FN3KRP: variants seen among roughly 807,000 people sequenced by gnomAD.
The protein encoded by FN3KRP is fructosamine 3 kinase related protein.
Under a neutral mutation model 29.8 loss-of-function variants are expected in FN3KRP, and 33 were observed. That is an observed-to-expected ratio of 1.11 (90% CI 0.84 to 1.48). FN3KRP has a LOEUF of 1.48. Among genes scored for constraint, FN3KRP ranks in the 40% most tolerant of loss-of-function variants. FN3KRP has a pLI of 0.00. For missense variants in FN3KRP, 430 were observed against 402.6 expected (o/e 1.07, Z -0.58); for synonymous variants, 157 against 155.2 (o/e 1.01, Z -0.09).
chr17:82,727,521 C>T lies in FN3KRP; in HGVS notation c.*350C>T, dbSNP rs572258264. ...TGCGCAGGGAGGTGGCCAGCGCCCCCGGGCACTGCTGCTCATAGGTACCTT... is the reference window on the plus strand; with the variant it reads ...TGCGCAGGGAGGTGGCCAGCGCCCCTGGGCACTGCTGCTCATAGGTACCTT... On this transcript the variant is annotated 3_prime_UTR_variant, in exon 6 of 6. Transcript: ENST00000269373. 179 of 213,278 alleles carry T rather than the reference C, an allele frequency of 8.4e-4. No individual in the cohort carries two copies. The highest frequency in any genetic ancestry group is 3.4e-3 in the African/African-American group (148 of 43,936). 13.2% of individuals were successfully genotyped at this position (213,278 alleles called of 1,614,324 possible).
intron 2 of FN3KRP, among the ~76,000 whole-genome samples, chr17:82,719,857 T>C (rs1231010998): frequency 3.3e-5 from 5 of 152,038 alleles, no homozygotes; most frequent in South Asian, 4.1e-4. Flanking sequence ...GAACCTACTT[T>C]CTGTCCTCAA....
rs776584529 is a variant in FN3KRP, at chr17:82,720,360, G to T, written c.382G>T (p.Val128Leu). 6.2e-7 allele frequency: 1 copy of T among 1,612,990 alleles called. No individual in the cohort carries two copies. Among genetic ancestry groups the T allele is most frequent in the Admixed American group, 1.7e-5 (1 of 60,014 alleles). ...GATGCGCCTGAAGGAGGCGGGCACA[G>T]TGGGTATGGCACTGCGCGGGCCACG... ...GEMRLKEAGTVGRGGGQEERP... is the reference protein window; with the variant it reads ...GEMRLKEAGTLGRGGGQEERP... The change falls in exon 3 of 6, where the codon GTG becomes TTG. Residue 128 changes from valine (V) to leucine (L), a missense_variant. Val to Leu is a conservative substitution (Grantham distance 32, BLOSUM62 1). Coordinates refer to ENST00000269373, the MANE Select transcript of FN3KRP (RefSeq NM_024619.4).
In FN3KRP at chr17:82,719,146, C is replaced by T. The variant is rs1022231510; in HGVS notation, c.293+89C>T. ...TTTTATTATGTGTGTCTTCACACCA[C>T]CCACTGGCTGGCTTTATTATCTGAG... On this transcript the variant is annotated intron_variant, in intron 2 of 5. Transcript: ENST00000269373. The T allele has an allele frequency of 5.5e-4, 682 of 1,245,082 alleles. 1 individual carries two copies. Among genetic ancestry groups the T allele is most frequent in the Non-Finnish European group, 7.7e-4 (677 of 875,964 alleles). The allele number at this position is 1,245,082 out of a possible 1,614,324, so 77.1% of individuals were successfully genotyped here.
intron 1 of FN3KRP, among the ~76,000 whole-genome samples, chr17:82,717,672 T>A (rs985594209): frequency 6.6e-6 from 1 of 151,988 alleles, no homozygotes; most frequent in Non-Finnish European, 1.5e-5. Flanking sequence ...TGAGTCGAGA[T>A]CGCGCCACTG....
At position 82,727,168 on chromosome 17, in the gene FN3KRP, G is replaced by A; in HGVS notation, c.927G>A (p.Lys309=). Reference sequence around the variant, plus strand: ...TGAACATCATGAGGAATCTGGTCAAGTGAGCGGGCCTTACTCTGGAAGGAG... The same window carrying A: ...TGAACATCATGAGGAATCTGGTCAAATGAGCGGGCCTTACTCTGGAAGGAG... The part of the protein sequence containing the change: ...SSLNIMRNLV[K] Residue 309 remains lysine, a synonymous_variant, in exon 6 of 6, where the codon AAG becomes AAA. Coordinates refer to ENST00000269373, the MANE Select transcript of FN3KRP (RefSeq NM_024619.4). 2 of 1,613,042 alleles carry A rather than the reference G, an allele frequency of 1.2e-6. No homozygotes were observed. The highest frequency in any genetic ancestry group is 1.7e-6 in the Non-Finnish European group (2 of 1,179,144).
At chr17:82,719,737 A>G (rs1264318464) in intron 2 of FN3KRP, among the ~76,000 whole-genome samples, 3 of 152,074 alleles carry the variant, frequency 2.0e-5, no homozygotes, top group African/African-American at 7.2e-5. Context: ...CCTGGGCAGT[A>G]GAGCGAGACT....
rs200818001 is a variant in FN3KRP, at chr17:82,726,522, C to T, written c.511C>T (p.Gln171Ter). The T allele has an allele frequency of 1.1e-4, 171 of 1,614,166 alleles. No individual in the cohort carries two copies. Among genetic ancestry groups the T allele is most frequent in the Non-Finnish European group, 1.4e-4 (162 of 1,180,018 alleles). The change falls in exon 5 of 6, where the codon CAG becomes TAG. Residue 171 changes from glutamine (Q) to a stop codon, truncating the protein, a stop_gained. Coordinates refer to ENST00000269373, the MANE Select transcript of FN3KRP (RefSeq NM_024619.4). LOFTEE classifies it high-confidence loss of function. The part of the protein sequence containing the change: ...QEDWVVFYAR[Q>*]RIQPQMDMVE... ...GGACTGGGTCGTGTTCTATGCCCGG[C>T]AGCGCATTCAGCCCCAGATGGACAT...
intron 3 of FN3KRP, chr17:82,720,730 G>C (rs1328363300): frequency 5.9e-6 from 1 of 168,094 alleles, no homozygotes; most frequent in Non-Finnish European, 1.2e-5. Flanking sequence ...TTGAGGCTCA[G>C]AATTACAGCC....
intron 1 of FN3KRP, among the ~76,000 whole-genome samples, chr17:82,717,568 A>T (rs2046766612): frequency 6.6e-6 from 1 of 151,878 alleles, no homozygotes; most frequent in African/African-American, 2.4e-5. Flanking sequence ...AAAATACAAA[A>T]ATTAGCTGGG....
intron 4 of FN3KRP, among the ~76,000 whole-genome samples, chr17:82,724,430 C>T (rs2046822722): frequency 6.6e-6 from 1 of 151,998 alleles, no homozygotes; most frequent in Non-Finnish European, 1.5e-5. Flanking sequence ...ATGGTGAAAT[C>T]CTGTCTCTAC....
chr17:82,727,158 A>G lies in FN3KRP; in HGVS notation c.917A>G (p.Asn306Ser), dbSNP rs768707772. The part of the protein sequence containing the change: ...YRGSSLNIMR[N>S]LVK The stretch of plus-strand genomic sequence containing the variant: ...GGATCCTCCCTGAACATCATGAGGA[A>G]TCTGGTCAAGTGAGCGGGCCTTACT... The change falls in exon 6 of 6, where the codon AAT becomes AGT. Residue 306 changes from asparagine (N) to serine (S), a missense_variant. Coordinates refer to ENST00000269373, the MANE Select transcript of FN3KRP (RefSeq NM_024619.4). The G allele has an allele frequency of 1.9e-6, 3 of 1,613,524 alleles. No homozygotes were observed. Among genetic ancestry groups the G allele is most frequent in the Non-Finnish European group, 2.5e-6 (3 of 1,179,642 alleles).
chr17:82,716,751 G>A lies in FN3KRP; in HGVS notation c.-5G>A, dbSNP rs748116589. ...CCGGGGCGGGTCCGCGGCCGCGGCG[G>A]GAACATGGAGGAGCTCCTGAGGCGC... On this transcript the variant is annotated 5_prime_UTR_variant, in exon 1 of 6. Coordinates refer to ENST00000269373, the MANE Select transcript of FN3KRP (RefSeq NM_024619.4). 1.3e-6 allele frequency: 2 copies of A among 1,492,736 alleles called. No homozygotes were observed. Among genetic ancestry groups the A allele is most frequent in the Admixed American group, 2.8e-5 (1 of 35,632 alleles). 92.5% of individuals were successfully genotyped at this position (1,492,736 alleles called of 1,614,324 possible). A position where few individuals can be genotyped will look rare whatever the true frequency, so the allele number is the denominator to read the frequency against.
chr17:82,725,242 C>T (rs1157527592), intron 4 of FN3KRP, among the ~76,000 whole-genome samples: 4 of 152,136 alleles, frequency 2.6e-5, no homozygotes, highest in Non-Finnish European at 5.9e-5. Flanking sequence ...CATCCTCCTG[C>T]CCCAGCCTCC....
chr17:82,720,407 A>T (rs780949550), intron 3 of FN3KRP, 44 bp downstream of exon 3: 4 of 1,523,492 alleles, frequency 2.6e-6, no homozygotes. Context: ...CTAGAGGAGG[A>T]CGTTCAGCCG....
At chr17:82,726,625 C>G (rs1179106586) in intron 5 of FN3KRP, 23 bp downstream of exon 5, 9 of 1,599,170 alleles carry the variant, frequency 5.6e-6, no homozygotes, top group Non-Finnish European at 6.8e-6. Flanking sequence ...CCACTGCATG[C>G]CCAGCACCTG....
intron 3 of FN3KRP, among the ~76,000 whole-genome samples, chr17:82,722,280 G>T (rs1005782711): frequency 1.3e-5 from 2 of 152,060 alleles, no homozygotes; most frequent in African/African-American, 2.4e-5. Flanking sequence ...GATTATAGGC[G>T]CCTGCCACCA....
At chr17:82,720,458 G>T in intron 3 of FN3KRP, 95 bp downstream of exon 3, 1 of 928,326 alleles carries the variant, frequency 1.1e-6, no homozygotes, top group Non-Finnish European at 1.6e-6. Context: ...GCCGTGGGAG[G>T]GTCGGACGTG....
intron 3 of FN3KRP, chr17:82,722,522 G>C: frequency 7.6e-6 from 3 of 394,938 alleles, no homozygotes; most frequent in Non-Finnish European, 9.2e-6. Context: ...TGCCTGTCCT[G>C]TGTGTGTCCT....
At chr17:82,720,234 T>C (rs1225823278) in intron 2 of FN3KRP, 38 bp from the exon 3 acceptor site, 4 of 1,550,384 alleles carry the variant, frequency 2.6e-6, no homozygotes, top group South Asian at 2.2e-5. Context: ...TGCCATTCTG[T>C]GTGTCATCTG....
Sources: allele counts gnomAD v4.1 joint callset (sites outside exome capture counted in the v4.1 genomes callset), GRCh38; gene constraint gnomAD v4.1.1; transcripts MANE v1.5; gene names NCBI Gene and HGNC (gene_info 2026-07-23, HGNC 2026-07-21).